TXNDC17: variants seen among roughly 807,000 people sequenced by gnomAD.
TXNDC17 encodes the protein thioredoxin domain containing 17.
A neutral mutation model predicts 16.3 loss-of-function variants in TXNDC17; 12 were observed. That is an observed-to-expected ratio of 0.74 (90% CI 0.47 to 1.19). TXNDC17 has a LOEUF of 1.19. TXNDC17 is among the 50% of genes most tolerant of loss of function. The pLI is 0.00. For missense variants in TXNDC17, 158 were observed against 149.7 expected (o/e 1.06, Z -0.29); for synonymous variants, 62 against 55.0 (o/e 1.13, Z -0.56).
intron 2 of TXNDC17, 99 bp downstream of exon 2, chr17:6,641,933 G>A (rs749416354): frequency 1.8e-5 from 19 of 1,049,824 alleles, no homozygotes; most frequent in Non-Finnish European, 2.8e-5. Context: ...GTCTTACAAG[G>A]TAATGTCTGA....
At chr17:6,642,371 CT>C (rs750425396) in intron 3 of TXNDC17, 47 bp downstream of exon 3, 2 of 1,289,758 alleles carry the variant, frequency 1.6e-6, no homozygotes, top group South Asian at 1.3e-5. Context: ...TGTCAGAACT[CT>C]TTTAACTTGC....
chr17:6,642,724 T>C, intron 3 of TXNDC17: 1 of 544,800 alleles, frequency 1.8e-6, no homozygotes. Context: ...TTTTAGTCTG[T>C]GGAGCTTCCT....
chr17:6,642,158 A>G (rs1972690553), intron 2 of TXNDC17, 91 bp from the exon 3 acceptor site: 2 of 923,598 alleles, frequency 2.2e-6, no homozygotes, highest in South Asian at 3.2e-5. Context: ...AGTGATTACT[A>G]AAAAATTAAA....
intron 3 of TXNDC17, 56 bp from the exon 4 acceptor site, chr17:6,642,895 C>G (rs1163966014): frequency 7.5e-7 from 1 of 1,326,834 alleles, no homozygotes; most frequent in Admixed American, 1.7e-5. Context: ...GAACTCATTC[C>G]ACTCCTAATA....
At chr17:6,642,592 TTC>T in intron 3 of TXNDC17, 1 of 451,274 alleles carries the variant, frequency 2.2e-6, no homozygotes, top group East Asian at 3.8e-5. Flanking sequence ...AACAGTTGTT[TTC>T]TGTTTAATTC....
Position 6,643,064 on chromosome 17 carries a change from G to A in TXNDC17, c.*45G>A. 6 of 1,517,090 alleles carry A rather than the reference G, an allele frequency of 4.0e-6. No homozygotes were observed. Among genetic ancestry groups the A allele is most frequent in the Non-Finnish European group, 4.6e-6 (5 of 1,093,136 alleles). 94.0% of individuals were successfully genotyped at this position (1,517,090 alleles called of 1,614,324 possible). A position where few individuals can be genotyped will look rare whatever the true frequency, so the allele number is the denominator to read the frequency against. On this transcript the variant is annotated 3_prime_UTR_variant, in exon 4 of 4. Transcript: ENST00000250101. ...TGTCTTGATGTCCTGATTTGTTCTA[G>A]TATCAATAAACTGTATACTTGCTTT...
At position 6,642,227 on chromosome 17, in the gene TXNDC17, A is replaced by C. The variant is rs769980286; in HGVS notation, c.228-22A>C. The C allele has an allele frequency of 1.9e-6, 3 of 1,564,340 alleles. No individual in the cohort carries two copies. The South Asian group carries it at 3.5e-5, about 18-fold the overall frequency. Reference sequence around the variant, plus strand: ...ATAAACCAAGTAAATTTTTTTCATGATCACTTTTTCTTTTCGAATAGTTGG... The same window carrying C: ...ATAAACCAAGTAAATTTTTTTCATGCTCACTTTTTCTTTTCGAATAGTTGG... On this transcript the variant is annotated intron_variant, in intron 2 of 3. Transcript: ENST00000250101.
rs1274581294 is a variant in TXNDC17, at chr17:6,642,242, C to T, written c.228-7C>T. The T allele has an allele frequency of 3.1e-6, 5 of 1,598,894 alleles. No homozygotes were observed. Among genetic ancestry groups the T allele is most frequent in the Admixed American group, 1.7e-5 (1 of 57,670 alleles). On this transcript the variant is annotated splice_region_variant and splice_polypyrimidine_tract_variant and intron_variant, in intron 2 of 3. Coordinates refer to ENST00000250101, the MANE Select transcript of TXNDC17 (RefSeq NM_032731.4). The stretch of plus-strand genomic sequence containing the variant: ...TTTTTTCATGATCACTTTTTCTTTT[C>T]GAATAGTTGGAAAGATCCAAATAAT...
chr17:6,642,499 A>G lies in TXNDC17; in HGVS notation c.303+175A>G, dbSNP rs1313903002. On this transcript the variant is annotated intron_variant, in intron 3 of 3. Coordinates refer to ENST00000250101, the MANE Select transcript of TXNDC17 (RefSeq NM_032731.4). ...CAATAAACTGATAATGTAAATATCT[A>G]GCTATTAGGTCTTTTTCATGTTAAG... 3 of 530,406 alleles carry G rather than the reference A, an allele frequency of 5.7e-6. No individual in the cohort carries two copies. The East Asian group carries it at 9.5e-5, about 17-fold the overall frequency. 32.9% of individuals were successfully genotyped at this position (530,406 alleles called of 1,614,324 possible). A position where few individuals can be genotyped will look rare whatever the true frequency, so the allele number is the denominator to read the frequency against.
At position 6,644,393 on chromosome 17, in the gene TXNDC17, A is replaced by T. The variant is rs1263728211; in HGVS notation, c.*1374A>T. ...ATAAAGGTAGATAGGAAGAGTTTTC[A>T]TTTTTTTTGTCTTCACTGTACAAAA... On this transcript the variant is annotated 3_prime_UTR_variant, in exon 4 of 4. Transcript: ENST00000250101. 3.4e-6 allele frequency: 5 copies of T among 1,449,820 alleles called. No individual in the cohort carries two copies. In the African/African-American group the frequency reaches 4.3e-5, roughly 12 times the overall value. 89.8% of individuals were successfully genotyped at this position (1,449,820 alleles called of 1,614,324 possible).
In TXNDC17 at chr17:6,642,336, T is replaced by C. The variant is rs752088269; in HGVS notation, c.303+12T>C. On this transcript the variant is annotated intron_variant, in intron 3 of 3. Transcript: ENST00000250101. ...TTAAGTATGGAACAGTAAGTATCTT[T>C]AAATATGCTGGGCCTGTAATTCACT... 168 of 1,556,900 alleles carry C rather than the reference T, an allele frequency of 1.1e-4. No homozygotes were observed. Among genetic ancestry groups the C allele is most frequent in the Middle Eastern group, 3.4e-4 (2 of 5,894 alleles).
At chr17:6,641,347 A>AG in intron 1 of TXNDC17, 120 bp downstream of exon 1, 2 of 1,433,332 alleles carry the variant, frequency 1.4e-6, no homozygotes, top group Non-Finnish European at 1.9e-6. Context: ...GAGCAATCTG[A>AG]GCTGTCCCCA....
Position 6,643,212 on chromosome 17 carries a change from G to T in TXNDC17, c.*193G>T, listed in dbSNP as rs1374974291. The T allele has an allele frequency of 5.7e-5, 29 of 511,618 alleles. No homozygotes were observed. The highest frequency in any genetic ancestry group is 3.1e-5 in the Non-Finnish European group (9 of 289,720). The allele number at this position is 511,618 out of a possible 1,614,324, so 31.7% of individuals were successfully genotyped here. On this transcript the variant is annotated 3_prime_UTR_variant, in exon 4 of 4. Coordinates refer to ENST00000250101, the MANE Select transcript of TXNDC17 (RefSeq NM_032731.4). Reference sequence around the variant, plus strand: ...TACATGGATATTTTTAAGATATAAAGAAGTCTTCAGAAATAGCAGTAAAGG... The same window carrying T: ...TACATGGATATTTTTAAGATATAAATAAGTCTTCAGAAATAGCAGTAAAGG...
Position 6,641,165 on chromosome 17 carries a change from T to C in TXNDC17, c.83T>C (p.Phe28Ser). The C allele has an allele frequency of 6.2e-7, 1 of 1,613,820 alleles. No individual in the cohort carries two copies. Among genetic ancestry groups the C allele is most frequent in the Non-Finnish European group, 8.5e-7 (1 of 1,180,026 alleles). The change falls in exon 1 of 4, where the codon TTC becomes TCC. Residue 28 changes from phenylalanine to serine, a missense_variant. Coordinates refer to ENST00000250101, the MANE Select transcript of TXNDC17 (RefSeq NM_032731.4). ...AVEQHNGKTI[F>S]AYFTGSKDAG... The stretch of plus-strand genomic sequence containing the variant: ...GAACAGCACAATGGCAAGACCATTT[T>C]CGCCTACTTTACGGGTTCTAAGGAC...
At position 6,641,513 on chromosome 17, in the gene TXNDC17, G is replaced by A. The variant is rs1182513096; in HGVS notation, c.146-240G>A. 3 of 632,222 alleles carry A rather than the reference G, an allele frequency of 4.7e-6. No homozygotes were observed. In the African/African-American group the frequency reaches 5.5e-5, roughly 12 times the overall value. The allele number at this position is 632,222 out of a possible 1,614,324, so 39.2% of individuals were successfully genotyped here. On this transcript the variant is annotated intron_variant, in intron 1 of 3. Transcript: ENST00000250101. ...TACGTGAGTTGGTCAGCAAATACAT[G>A]TGCTTTCCATTGTTACGGGCGCGGT...
At chr17:6,642,220 T>C (rs1397513043) in intron 2 of TXNDC17, 29 bp from the exon 3 acceptor site, 1 of 1,525,034 alleles carries the variant, frequency 6.6e-7, no homozygotes, top group Non-Finnish European at 9.0e-7. Context: ...AGTAAATTTT[T>C]TTCATGATCA....
At chr17:6,641,875 A>T (rs372946835) in intron 2 of TXNDC17, 41 bp downstream of exon 2, 1 of 1,583,786 alleles carries the variant, frequency 6.3e-7, no homozygotes, top group Non-Finnish European at 8.7e-7. Context: ...ACGTGCACAA[A>T]TTGCATACTT....
intron 3 of TXNDC17, 91 bp downstream of exon 3, chr17:6,642,415 T>C (rs1972698915): frequency 1.1e-6 from 1 of 882,180 alleles, no homozygotes; most frequent in African/African-American, 1.7e-5. Flanking sequence ...TCTTGACATT[T>C]CATCTCAATT....
rs1972714632 is a variant in TXNDC17, at chr17:6,642,970, C to G, written c.323C>G (p.Ser108Cys). 6.2e-7 allele frequency: 1 copy of G among 1,613,762 alleles called. No individual in the cohort carries two copies. Among genetic ancestry groups the G allele is most frequent in the Non-Finnish European group, 8.5e-7 (1 of 1,179,824 alleles). The change falls in exon 4 of 4, where the codon TCT (serine) becomes TGT (cysteine). Residue 108 changes from serine (S) to cysteine (C), a missense_variant. Physicochemically the swap from Ser to Cys is moderately radical, Grantham distance 112. Coordinates refer to ENST00000250101, the MANE Select transcript of TXNDC17 (RefSeq NM_032731.4). ...TTACAGCCTCAAAAACTGGTAGAAT[C>G]TGAGTGTCTTCAGGCCAACCTGGTG... ...KYGTPQKLVE[S>C]ECLQANLVEM...
Sources: allele counts gnomAD v4.1 joint callset, GRCh38; gene constraint gnomAD v4.1.1; transcripts MANE v1.5; gene names NCBI Gene and HGNC (gene_info 2026-07-23, HGNC 2026-07-21).